The following HSPA12A variants were observed in gnomAD, a reference collection of about 807,000 sequenced individuals.
HSPA12A encodes heat shock protein family A (Hsp70) member 12A, also known as heat shock 70 kDa protein 12A.
HSPA12A carries 28 observed loss-of-function variants against 69.2 expected under a neutral mutation model. That is an observed-to-expected ratio of 0.40 (90% CI 0.30 to 0.55). The LOEUF is 0.55. Among genes scored for constraint, HSPA12A ranks in the 20% least tolerant of loss-of-function variants. The pLI is 0.38. For missense variants in HSPA12A, 686 were observed against 900.7 expected, an observed-to-expected ratio of 0.76 and a Z score of 3.05; for synonymous variants, 345 against 370.5, an observed-to-expected ratio of 0.93 and a Z score of 0.79.
intron 6 of HSPA12A, among the ~76,000 whole-genome samples, chr10:116,688,005 T>A (rs1849626210): frequency 6.6e-6 from 1 of 152,214 alleles, no homozygotes; most frequent in South Asian, 2.1e-4. Flanking sequence ...ATTTTTTTTT[T>A]AGCTCATCAG....
At chr10:116,792,310 A>G (rs1844716939) in intron 2 of HSPA12A, among the ~76,000 whole-genome samples, 1 of 150,016 alleles carries the variant, frequency 6.7e-6, no homozygotes, top group Non-Finnish European at 1.5e-5. Context: ...GAATTGGGAA[A>G]TGTGAAAGGA....
intron 2 of HSPA12A, among the ~76,000 whole-genome samples, chr10:116,776,032 G>T (rs1256513066): frequency 3.9e-5 from 6 of 152,130 alleles, no homozygotes; most frequent in African/African-American, 1.4e-4. Context: ...GTCCCCTCTG[G>T]CCTCCAGTTA....
upstream of HSPA12A, chr10:116,742,657 C>T (rs549235177): frequency 2.1e-6 from 2 of 963,560 alleles, no homozygotes; most frequent in South Asian, 4.8e-5. Context: ...GCCCGGCGCC[C>T]CGCCCCTCCG....
intron 2 of HSPA12A, among the ~76,000 whole-genome samples, chr10:116,764,017 G>T (rs1844027475): frequency 6.6e-6 from 1 of 152,106 alleles, no homozygotes; most frequent in South Asian, 2.1e-4. Flanking sequence ...GGAAGTCTAT[G>T]ACTGGAGGCT....
chr10:116,846,607 C>T (rs375279411), intron 1 of HSPA12A, among the ~76,000 whole-genome samples: 56 of 152,268 alleles, frequency 3.7e-4, no homozygotes, highest in African/African-American at 1.2e-3. Context: ...CTCGGCTTCC[C>T]AAAGTGTTGG....
intron 1 of HSPA12A, chr10:116,849,422 A>G: frequency 1.7e-6 from 2 of 1,180,160 alleles, no homozygotes; most frequent in Non-Finnish European, 2.3e-6. Context: ...CTCCAATAAA[A>G]GGGAACGACT....
intron 1 of HSPA12A, among the ~76,000 whole-genome samples, chr10:116,728,662 T>C (rs1296434406): frequency 1.3e-5 from 2 of 152,242 alleles, no homozygotes; most frequent in Non-Finnish European, 2.9e-5. Context: ...CACAGCTCTC[T>C]AGATAGCTTC....
chr10:116,738,092 C>T (rs1240512309), intron 1 of HSPA12A, among the ~76,000 whole-genome samples: 1 of 152,176 alleles, frequency 6.6e-6, no homozygotes, highest in Non-Finnish European at 1.5e-5. Flanking sequence ...TTCTCCCTTA[C>T]CAAAGAGGCC....
chr10:116,691,749 T>C (rs912019903), intron 6 of HSPA12A, among the ~76,000 whole-genome samples: 1 of 152,232 alleles, frequency 6.6e-6, no homozygotes, highest in African/African-American at 2.4e-5. Flanking sequence ...CTGGAGCATC[T>C]GTCTCCCTGG....
chr10:116,717,726 C>G (rs1036512281), intron 1 of HSPA12A, among the ~76,000 whole-genome samples: 1 of 152,156 alleles, frequency 6.6e-6, no homozygotes, highest in African/African-American at 2.4e-5. Flanking sequence ...CGACCGTGTG[C>G]TTACACAATG....
rs2132924681 is a variant in HSPA12A at position 116,686,663 on chromosome 10, G to A, written c.664-2701C>T. Among the ~76,000 whole-genome samples, 1 of 152,234 alleles carries A rather than the reference G, an allele frequency of 6.6e-6. No homozygotes were observed. The highest frequency in any genetic ancestry group is 6.6e-5 in the Admixed American group (1 of 15,258). ...GCCAGAAAAAGCAAGGTGGGCCTGG[G>A]CCACGGCAGCAGGGACAGGGATGGG... On this transcript the variant is annotated intron_variant, in intron 6 of 11. Transcript: ENST00000369209. This position sits in a 1 kb window ranked among gnomAD's most constrained non-coding sequence, Gnocchi z 4.1.
intron 1 of HSPA12A, among the ~76,000 whole-genome samples, chr10:116,740,901 T>G (rs968664472): frequency 6.9e-6 from 1 of 144,658 alleles, no homozygotes; most frequent in South Asian, 2.2e-4. Context: ...GCTTTAGCAA[T>G]TCAACGCCCC....
Position 116,701,155 on chromosome 10 carries a change from T to C in HSPA12A, c.255-26A>G, listed in dbSNP as rs781997715. The C allele has an allele frequency of 3.7e-6, 6 of 1,607,350 alleles. No individual in the cohort carries two copies. The Admixed American group carries it at 8.4e-5, about 23-fold the overall frequency. On this transcript the variant is annotated intron_variant, in intron 3 of 11. Transcript: ENST00000369209. ...CTGCCACCAAGGGAAGCAGAAGTTA[T>C]GGGGCCTTCTTTCAAAATCCCAATT... is the stretch of plus-strand genomic sequence containing the variant.
intron 2 of HSPA12A, among the ~76,000 whole-genome samples, chr10:116,788,454 T>C (rs1269921346): frequency 6.6e-6 from 1 of 152,194 alleles, no homozygotes; most frequent in Non-Finnish European, 1.5e-5. Context: ...CAATAGCTTG[T>C]TTCTCCCCTT....
intron 1 of HSPA12A, among the ~76,000 whole-genome samples, chr10:116,730,886 G>A (rs1007768685): frequency 6.6e-5 from 10 of 152,252 alleles, no homozygotes; most frequent in Non-Finnish European, 1.0e-4. Flanking sequence ...TGAAGGAACC[G>A]GGCCCTCCTG....
chr10:116,708,677 A>G (rs1187532689), intron 1 of HSPA12A, among the ~76,000 whole-genome samples: 1 of 152,172 alleles, frequency 6.6e-6, no homozygotes, highest in Non-Finnish European at 1.5e-5. Flanking sequence ...GGGGAGGGAG[A>G]GGCACAGTCC....
chr10:116,700,048 A>T (rs1368726645), intron 4 of HSPA12A, among the ~76,000 whole-genome samples: 1 of 152,220 alleles, frequency 6.6e-6, no homozygotes, highest in African/African-American at 2.4e-5. Context: ...ACGTATTTTG[A>T]TTCCTTTAAT....
intron 1 of HSPA12A, among the ~76,000 whole-genome samples, chr10:116,741,520 C>T (rs1374544217): frequency 1.3e-5 from 2 of 152,206 alleles, no homozygotes; most frequent in African/African-American, 2.4e-5. Context: ...CAGGGACGCG[C>T]GGCGCCTCCA....
Position 116,674,903 on chromosome 10 carries a change from C to T in HSPA12A, c.1906G>A (p.Val636Met). 2 of 1,614,146 alleles carry T rather than the reference C, an allele frequency of 1.2e-6. No homozygotes were observed. Among genetic ancestry groups the T allele is most frequent in the Non-Finnish European group, 1.7e-6 (2 of 1,180,048 alleles). ...LDLTGTSGTA[V>M]PARREIQTLM... ...GTCTGGATCTCCCTCCGGGCGGGCA[C>T]CGCAGTGCCACTGGTCCCTGTGAGA... Residue 636 changes from valine (V) to methionine (M), a missense_variant, in exon 12 of 12, where the codon GTG (valine) becomes ATG (methionine). By Grantham distance (21) the Val-to-Met change is conservative. Coordinates refer to ENST00000369209, the MANE Select transcript of HSPA12A (RefSeq NM_025015.3).
Sources: gnomAD v4.1 joint callset for allele counts (sites outside exome capture counted in the v4.1 genomes callset) on GRCh38, gnomAD v4.1.1 for gene constraint, Gnocchi (gnomAD v3.1) non-coding constraint, MANE v1.5 for transcripts, NCBI Gene and HGNC (gene_info 2026-07-23, HGNC 2026-07-21) for gene names.